CEP78: variants seen among roughly 807,000 people sequenced by gnomAD.
CEP78 encodes centrosomal protein 78.
CEP78 carries 76 observed loss-of-function variants against 81.2 expected under a neutral mutation model. That is an observed-to-expected ratio of 0.94 (90% CI 0.78 to 1.13). The LOEUF (loss-of-function observed/expected upper bound fraction) is 1.13, where lower values mean the gene tolerates loss of function less well. Ranked by LOEUF, CEP78 falls within the 50% of genes most tolerant of loss-of-function variation. The pLI is 0.00. For missense variants in CEP78, 918 were observed against 846.8 expected, an observed-to-expected ratio of 1.08 and a Z score of -1.04; for synonymous variants, 293 against 301.4, an observed-to-expected ratio of 0.97 and a Z score of 0.29.
intron 11 of CEP78, among the ~76,000 whole-genome samples, chr9:78,257,575 G>A (rs1447319388): frequency 8.5e-5 from 13 of 152,108 alleles, no homozygotes; most frequent in Non-Finnish European, 1.5e-4. Context: ...ATGTTACTAT[G>A]TATTAGGCAC....
At chr9:78,261,557 T>C (rs1827276871) in intron 11 of CEP78, among the ~76,000 whole-genome samples, 1 of 152,136 alleles carries the variant, frequency 6.6e-6, no homozygotes, top group African/African-American at 2.4e-5. Context: ...TTTAAAGGAG[T>C]AATGAGGAGG....
Position 78,243,460 on chromosome 9 carries a change from A to C in CEP78, c.604-2A>C. Reference sequence around the variant, plus strand: ...TAATTTCATCTTATTAAATCTTTGAAGTATCAGACCATGAGAAGGCATGAA... The same window carrying C: ...TAATTTCATCTTATTAAATCTTTGACGTATCAGACCATGAGAAGGCATGAA... On this transcript the variant is annotated splice_acceptor_variant, in intron 4 of 16. Transcript: ENST00000643273. LOFTEE classifies it high-confidence loss of function. 6.2e-7 allele frequency: 1 copy of C among 1,608,410 alleles called. No homozygotes were observed. Among genetic ancestry groups the C allele is most frequent in the Non-Finnish European group, 8.5e-7 (1 of 1,177,850 alleles).
intron 11 of CEP78, among the ~76,000 whole-genome samples, chr9:78,259,855 ATGCACATTTAAGGAAGACAG>A (rs1180784151): frequency 1.3e-5 from 2 of 152,238 alleles, no homozygotes; most frequent in South Asian, 2.1e-4. Context: ...AAGCAAAGAA[ATGCACATTTAAGGAAGACAG>A]TGCACATTTA....
intron 5 of CEP78, among the ~76,000 whole-genome samples, chr9:78,244,136 T>C: frequency 7.5e-6 from 1 of 133,140 alleles, no homozygotes; most frequent in South Asian, 2.2e-4. Context: ...TGAAGTTACT[T>C]TTTTTTTTTT....
intron 4 of CEP78, among the ~76,000 whole-genome samples, chr9:78,242,244 A>G (rs974735189): frequency 2.0e-5 from 3 of 152,092 alleles, no homozygotes; most frequent in Non-Finnish European, 4.4e-5. Flanking sequence ...AGTCATGCCC[A>G]TTTGTTTACA....
chr9:78,265,478 A>G lies in CEP78; in HGVS notation c.1732A>G (p.Lys578Glu). Residue 578 changes from lysine to glutamate, a missense_variant, in exon 14 of 17, where the codon AAG (lysine) becomes GAG (glutamate). Coordinates refer to ENST00000643273, the MANE Select transcript of CEP78 (RefSeq NM_001330691.3). ...TVSNPPKEEKKALEDEKPEPK... is the reference protein window; with the variant it reads ...TVSNPPKEEKEALEDEKPEPK... ...TAGTAATCCACCTAAAGAAGAAAAGAAGGCGCTTGAAGATGAAAAACCAGA... is the reference window on the plus strand; with the variant it reads ...TAGTAATCCACCTAAAGAAGAAAAGGAGGCGCTTGAAGATGAAAAACCAGA... The G allele has an allele frequency of 6.3e-7, 1 of 1,589,884 alleles. No individual in the cohort carries two copies. Among genetic ancestry groups the G allele is most frequent in the East Asian group, 2.3e-5 (1 of 44,154 alleles).
chr9:78,244,639 G>C (rs1421400983), intron 5 of CEP78, among the ~76,000 whole-genome samples: 1 of 152,024 alleles, frequency 6.6e-6, no homozygotes, highest in African/African-American at 2.4e-5. Context: ...AAATGGGATT[G>C]GTCTCTGAAT....
At chr9:78,263,576 G>C (rs578058699) in intron 12 of CEP78, among the ~76,000 whole-genome samples, 1 of 152,278 alleles carries the variant, frequency 6.6e-6, no homozygotes, top group Admixed American at 6.5e-5. Flanking sequence ...TTGAGCACCT[G>C]ATTGTATAAG....
chr9:78,266,840 G>C (rs973680087), intron 16 of CEP78, 137 bp downstream of exon 16: 7 of 1,453,596 alleles, frequency 4.8e-6, no homozygotes, highest in Admixed American at 2.9e-5. Context: ...TTAAAAGTAG[G>C]TCTTTGAAAA....
At chr9:78,236,969 CTTTTTTT>C (rs71360676) in intron 1 of CEP78, among the ~76,000 whole-genome samples, 1,455 of 61,980 alleles carry the variant, frequency 0.023, 10 homozygotes, top group Non-Finnish European at 0.034. Context: ...CAGCCTTTGT[CTTTTTTT>C]TTTTTTTTTT....
At position 78,240,070 on chromosome 9, in the gene CEP78, T is replaced by G; in HGVS notation, c.301T>G (p.Tyr101Asp). 6.3e-7 allele frequency: 1 copy of G among 1,584,920 alleles called. No individual in the cohort carries two copies. Among genetic ancestry groups the G allele is most frequent in the Non-Finnish European group, 8.5e-7 (1 of 1,173,300 alleles). The part of the protein sequence containing the change: ...FCRSRVPAIR[Y>D]KDVTFQLCKA... ...CAGAAGTCGTGTTCCTGCGATAAGA[T>G]ACAAAGATGTGACCTTCCAGTTGTG... The change falls in exon 2 of 17, where the codon TAC (tyrosine) becomes GAC (aspartate). Residue 101 changes from tyrosine (Y) to aspartate (D), a missense_variant. Transcript: ENST00000643273.
chr9:78,273,821 T>C lies in CEP78; in HGVS notation c.*2970T>C, dbSNP rs1827748931. The C allele has an allele frequency of 1.3e-5, 2 of 152,324 alleles. No homozygotes were observed. The highest frequency in any genetic ancestry group is 2.4e-5 in the African/African-American group (1 of 41,578). 9.4% of individuals were successfully genotyped at this position (152,324 alleles called of 1,614,324 possible). A position where few individuals can be genotyped will look rare whatever the true frequency, so the allele number is the denominator to read the frequency against. ...ACAAGGAAAAATGGCCAGCCAGTTA[T>C]AACAAGAAGCTTTAAGACATCTCTT... On this transcript the variant is annotated 3_prime_UTR_variant, in exon 17 of 17. Transcript: ENST00000643273.
In CEP78 at chr9:78,244,292, A is replaced by G. The variant is rs904989823; in HGVS notation, c.778+656A>G. On this transcript the variant is annotated intron_variant, in intron 5 of 16. Coordinates refer to ENST00000643273, the MANE Select transcript of CEP78 (RefSeq NM_001330691.3). ...GCTGGCACTACAGGTGCACACCACC[A>G]TGCCAGGCTAATTTTTGTGGAGACA... Among the ~76,000 whole-genome samples the G allele has an allele frequency of 2.0e-5, 3 of 152,042 alleles. No individual in the cohort carries two copies. The East Asian group carries it at 5.8e-4, about 29-fold the overall frequency.
In CEP78 at chr9:78,236,423, C is replaced by T. The variant is rs1197409941; in HGVS notation, c.73C>T (p.Leu25=). 13 of 1,601,382 alleles carry T rather than the reference C, an allele frequency of 8.1e-6. No homozygotes were observed. The highest frequency in any genetic ancestry group is 1.1e-5 in the Non-Finnish European group (13 of 1,174,456). ...FFSHYEYLCA[L]QNSVPLPAVR... ...CTCCCACTACGAGTACCTGTGCGCGCTGCAGAACTCGGTGCCGCTGCCCGC... is the reference window on the plus strand; with the variant it reads ...CTCCCACTACGAGTACCTGTGCGCGTTGCAGAACTCGGTGCCGCTGCCCGC... Residue 25 remains leucine, a synonymous_variant, in exon 1 of 17, where the codon CTG becomes TTG. Transcript: ENST00000643273.
At position 78,240,105 on chromosome 9, in the gene CEP78, T is replaced by C; in HGVS notation, c.336T>C (p.Leu112=). The C allele has an allele frequency of 6.3e-7, 1 of 1,585,722 alleles. No individual in the cohort carries two copies. Among genetic ancestry groups the C allele is most frequent in the East Asian group, 2.2e-5 (1 of 44,794 alleles). Residue 112 remains leucine (L), a synonymous_variant, in exon 2 of 17, where the codon CTT becomes CTC. Coordinates refer to ENST00000643273, the MANE Select transcript of CEP78 (RefSeq NM_001330691.3). The part of the protein sequence containing the change: ...KDVTFQLCKA[L]KGCLSISSVL... ...TGACCTTCCAGTTGTGTAAAGCTCT[T>C]AAAGGCTGTTTAAGTATATCAAGTG...
In CEP78 at chr9:78,277,124, T is replaced by C. The variant is rs529514475; in HGVS notation, c.*6273T>C. 4.6e-5 allele frequency: 7 copies of C among 152,216 alleles called. No individual in the cohort carries two copies. Among genetic ancestry groups the C allele is most frequent in the Middle Eastern group, 6.8e-3 (2 of 294 alleles). The allele number at this position is 152,216 out of a possible 1,614,324, so 9.4% of individuals were successfully genotyped here. A position where few individuals can be genotyped will look rare whatever the true frequency, so the allele number is the denominator to read the frequency against. ...TTCAGTAAATGATGTTGAGGTTATT[T>C]ACTACTTTTTCTTATTTCATATCAT... On this transcript the variant is annotated 3_prime_UTR_variant, in exon 17 of 17. Coordinates refer to ENST00000643273, the MANE Select transcript of CEP78 (RefSeq NM_001330691.3).
intron 1 of CEP78, among the ~76,000 whole-genome samples, chr9:78,239,010 TAAAAA>T (rs1245615163): frequency 6.6e-6 from 1 of 151,406 alleles, no homozygotes; most frequent in Non-Finnish European, 1.5e-5. Flanking sequence ...CTACAAAAAA[TAAAAA>T]AACCAGGAAC....
intron 16 of CEP78, among the ~76,000 whole-genome samples, chr9:78,270,305 C>T (rs559633909): frequency 1.3e-5 from 2 of 152,048 alleles, no homozygotes; most frequent in African/African-American, 4.8e-5. Context: ...CATTTAAAAC[C>T]GTAACATTAA....
chr9:78,248,935 C>A (rs1826629692), intron 8 of CEP78, 62 bp downstream of exon 8: 4 of 778,644 alleles, frequency 5.1e-6, no homozygotes, highest in Admixed American at 3.1e-5. Context: ...AAATTAAAAT[C>A]TCTTCTCATT....
Sources: allele counts gnomAD v4.1 joint callset (sites outside exome capture counted in the v4.1 genomes callset), GRCh38; gene constraint gnomAD v4.1.1; transcripts MANE v1.5; gene names NCBI Gene and HGNC (gene_info 2026-07-23, HGNC 2026-07-21).